Variants in HYCC2 observed in about 807,000 individuals in gnomAD.
HYCC2 encodes hyccin 2.
At chr2:200,981,645 C>A in the HYCC2 span, 2 of 1,614,072 alleles carry the variant, frequency 1.2e-6, no homozygotes, top group Admixed American at 3.3e-5. The surrounding 1 kb of genome is among the most constrained non-coding windows in gnomAD (Gnocchi z 4.5). Flanking sequence ...GTACATACTG[C>A]TTGCGAACTA....
At chr2:201,020,664 T>C in the HYCC2 span, among the ~76,000 whole-genome samples, 1 of 152,154 alleles carries the variant, frequency 6.6e-6, no homozygotes, top group African/African-American at 2.4e-5. Flanking sequence ...GTAGAACAGA[T>C]GGCTTTTCAT....
the HYCC2 span, among the ~76,000 whole-genome samples, chr2:201,062,654 A>C: frequency 2.0e-5 from 3 of 147,522 alleles, no homozygotes; most frequent in Admixed American, 1.4e-4. Context: ...CTGTCTCACA[A>C]AAAAAAAAAA....
At chr2:201,048,515 TTTTTTTA>T in the HYCC2 span, among the ~76,000 whole-genome samples, 12 of 151,652 alleles carry the variant, frequency 7.9e-5, no homozygotes, top group African/African-American at 2.9e-4. Flanking sequence ...AATTTTTTTT[TTTTTTTA>T]AGCTCATCAG....
At chr2:201,019,544 G>A in the HYCC2 span, among the ~76,000 whole-genome samples, 1 of 152,058 alleles carries the variant, frequency 6.6e-6, no homozygotes, top group Non-Finnish European at 1.5e-5. Flanking sequence ...CTCGAGACCA[G>A]GAGTTTCAGA....
the HYCC2 span, among the ~76,000 whole-genome samples, chr2:200,986,523 T>C: frequency 1.3e-5 from 2 of 151,928 alleles, no homozygotes; most frequent in East Asian, 3.9e-4. Flanking sequence ...TGCAAAACAG[T>C]AAGTAAATAC....
the HYCC2 span, among the ~76,000 whole-genome samples, chr2:201,064,557 G>A: frequency 6.6e-6 from 1 of 152,114 alleles, no homozygotes; most frequent in Non-Finnish European, 1.5e-5. Flanking sequence ...TGAACTGATA[G>A]TTACTGTTGT....
At chr2:201,031,849 C>A in the HYCC2 span, among the ~76,000 whole-genome samples, 1 of 152,140 alleles carries the variant, frequency 6.6e-6, no homozygotes, top group Non-Finnish European at 1.5e-5. Flanking sequence ...TCTGTTTCTG[C>A]AGAGACTTGA....
At chr2:200,981,821 C>G in the HYCC2 span, 1 of 1,614,074 alleles carries the variant, frequency 6.2e-7, no homozygotes, top group African/African-American at 1.3e-5. The surrounding 1 kb of genome is among the most constrained non-coding windows in gnomAD (Gnocchi z 4.5). Context: ...AATCCTTCAT[C>G]TGCATCATTC....
chr2:201,069,802 C>T, the HYCC2 span, among the ~76,000 whole-genome samples: 1 of 152,066 alleles, frequency 6.6e-6, no homozygotes. Flanking sequence ...GTACTGAGAA[C>T]ATCTGGGAAC....
At chr2:201,051,207 T>C in the HYCC2 span, among the ~76,000 whole-genome samples, 6 of 152,190 alleles carry the variant, frequency 3.9e-5, no homozygotes, top group Non-Finnish European at 7.3e-5. Flanking sequence ...TCAGTTATGA[T>C]ATAACCTATT....
chr2:200,981,017 G>T, the HYCC2 span: 1 of 512,558 alleles, frequency 2.0e-6, no homozygotes. The surrounding 1 kb of genome is among the most constrained non-coding windows in gnomAD (Gnocchi z 4.5). Flanking sequence ...AGAAAGGAAG[G>T]CATGGAAAAG....
the HYCC2 span, chr2:200,981,555 C>T: frequency 1.9e-6 from 3 of 1,614,196 alleles, no homozygotes. The surrounding 1 kb of genome is among the most constrained non-coding windows in gnomAD (Gnocchi z 4.5). Context: ...TTTTTGGCAC[C>T]ACCTGGCCAG....
the HYCC2 span, among the ~76,000 whole-genome samples, chr2:201,067,412 T>C: frequency 1.3e-5 from 2 of 152,344 alleles, no homozygotes; most frequent in East Asian, 3.9e-4. Context: ...ACTTACCATA[T>C]TTTATGACCA....
chr2:201,011,087 G>A, the HYCC2 span, among the ~76,000 whole-genome samples: 4 of 152,222 alleles, frequency 2.6e-5, no homozygotes, highest in East Asian at 5.8e-4. Context: ...AGAGGTTGCA[G>A]TGAGCCAAGA....
the HYCC2 span, chr2:200,988,495 A>G: frequency 9.4e-7 from 1 of 1,066,778 alleles, no homozygotes; most frequent in Non-Finnish European, 1.3e-6. Flanking sequence ...TGTGTCCATA[A>G]TTTTCGAATA....
the HYCC2 span, among the ~76,000 whole-genome samples, chr2:200,999,390 CT>C: frequency 7.6e-4 from 111 of 145,466 alleles, no homozygotes; most frequent in South Asian, 1.1e-3. Flanking sequence ...CCTCTCCCCA[CT>C]TTTTTTTTTT....
the HYCC2 span, chr2:201,011,522 G>A: frequency 2.6e-4 from 266 of 1,013,026 alleles, no homozygotes; most frequent in Non-Finnish European, 3.6e-4. Flanking sequence ...AGATCTACAC[G>A]AAATAATAAT....
the HYCC2 span, chr2:200,981,018 C>T: frequency 4.5e-5 from 23 of 515,616 alleles, no homozygotes; most frequent in African/African-American, 3.8e-4. This position sits in a 1 kb window ranked among gnomAD's most constrained non-coding sequence, Gnocchi z 4.5. Context: ...GAAAGGAAGG[C>T]ATGGAAAAGG....
At chr2:201,052,900 G>C in the HYCC2 span, among the ~76,000 whole-genome samples, 1,402 of 152,270 alleles carry the variant, frequency 9.2e-3, 17 homozygotes, top group African/African-American at 0.031. Context: ...AACGAAAACT[G>C]ATCAGCACAC....
Sources: allele counts gnomAD v4.1 joint callset (sites outside exome capture counted in the v4.1 genomes callset), GRCh38; gene constraint gnomAD v4.1.1; non-coding constraint Gnocchi (gnomAD v3.1); transcripts MANE v1.5; gene names NCBI Gene and HGNC (gene_info 2026-07-23, HGNC 2026-07-21).